Variants in ESR1 observed in about 807,000 individuals in gnomAD.
The protein encoded by ESR1 is estrogen receptor.
Under a neutral mutation model 52.7 loss-of-function variants are expected in ESR1, and 12 were observed. That is an observed-to-expected ratio of 0.23 (90% CI 0.15 to 0.37). The LOEUF is 0.37. Ranked by LOEUF, ESR1 falls within the 10% of genes least tolerant of loss-of-function variation. The pLI is 1.00. For synonymous variants in ESR1, 305 were observed against 316.8 expected, an observed-to-expected ratio of 0.96 and a Z score of 0.39; for missense variants, 584 against 779.7, an observed-to-expected ratio of 0.75 and a Z score of 2.99.
intron 2 of ESR1, among the ~76,000 whole-genome samples, chr6:151,863,276 C>A (rs1033166233): frequency 6.6e-6 from 1 of 152,104 alleles, no homozygotes; most frequent in Non-Finnish European, 1.5e-5. Context: ...TATCCATGAG[C>A]GTGGAATGTT....
At chr6:152,001,859 T>G (rs1385786144) in intron 4 of ESR1, among the ~76,000 whole-genome samples, 2 of 151,974 alleles carry the variant, frequency 1.3e-5, no homozygotes, top group Non-Finnish European at 2.9e-5. Flanking sequence ...ATAGAAAGAC[T>G]GGAGGGAAGG....
chr6:151,950,965 A>G (rs977314205), intron 4 of ESR1, among the ~76,000 whole-genome samples: 2 of 151,948 alleles, frequency 1.3e-5, no homozygotes, highest in Non-Finnish European at 2.9e-5. Flanking sequence ...CTCATCTAGT[A>G]TAGACTTGGC....
chr6:151,877,321 A>G (rs1792017496), intron 2 of ESR1, among the ~76,000 whole-genome samples: 1 of 152,214 alleles, frequency 6.6e-6, no homozygotes, highest in Non-Finnish European at 1.5e-5. Context: ...AGGAAAAAAA[A>G]CTACTTTGTT....
At chr6:151,719,818 G>A (rs1012300934) in intron 2 of ESR1, among the ~76,000 whole-genome samples, 15 of 152,106 alleles carry the variant, frequency 9.9e-5, no homozygotes, top group African/African-American at 3.1e-4. Context: ...TAAAGGAGCC[G>A]CAGAAAATTA....
At chr6:152,085,740 C>T (rs567872378) in intron 6 of ESR1, among the ~76,000 whole-genome samples, 8 of 152,246 alleles carry the variant, frequency 5.3e-5, no homozygotes, top group Non-Finnish European at 1.0e-4. Context: ...ACGACATGCA[C>T]TTAGAAGTGG....
At chr6:151,689,447 T>C (rs1778815543), upstream of ESR1, among the ~76,000 whole-genome samples, 1 of 152,256 alleles carries the variant, frequency 6.6e-6, no homozygotes, top group African/African-American at 2.4e-5. Context: ...AAATGTGTCC[T>C]GCTCTATGTA....
chr6:151,942,933 T>C (rs963728383), intron 3 of ESR1, among the ~76,000 whole-genome samples: 1 of 152,188 alleles, frequency 6.6e-6, no homozygotes, highest in Non-Finnish European at 1.5e-5. Context: ...AAATAGTTGT[T>C]TTTTTGCAGA....
At chr6:151,789,996 C>T (rs868225873) in intron 2 of ESR1, among the ~76,000 whole-genome samples, 4 of 152,172 alleles carry the variant, frequency 2.6e-5, no homozygotes, top group Admixed American at 1.3e-4. Flanking sequence ...GCTGCCCCCC[C>T]TCACTCAGGG....
intron 6 of ESR1, chr6:152,112,812 G>A (rs1176082235): frequency 6.6e-6 from 1 of 152,210 alleles, no homozygotes; most frequent in African/African-American, 2.4e-5. Flanking sequence ...AACCTTCTGA[G>A]CCCACTGCAA....
intron 1 of ESR1, among the ~76,000 whole-genome samples, chr6:151,691,460 C>CAGTATT (rs1450334449): frequency 6.6e-6 from 1 of 152,138 alleles, no homozygotes; most frequent in African/African-American, 2.4e-5. Flanking sequence ...AGAAGATAAC[C>CAGTATT]AGTATTCTCT....
At chr6:152,038,850 T>A (rs1025766816) in intron 5 of ESR1, among the ~76,000 whole-genome samples, 1 of 152,116 alleles carries the variant, frequency 6.6e-6, no homozygotes, top group Non-Finnish European at 1.5e-5. Context: ...AGGCTGGTCT[T>A]GAACTCCTGA....
rs149016295 is a variant in ESR1 at position 151,852,738 on chromosome 6, G to A, written c.643+9951G>A. Reference sequence around the variant, plus strand: ...TAATCCTTCCCTTATTTCTACTTACGTGTTTTACTCTCCATCATGTGTTAA... The same window carrying A: ...TAATCCTTCCCTTATTTCTACTTACATGTTTTACTCTCCATCATGTGTTAA... On this transcript the variant is annotated intron_variant, in intron 2 of 7. Transcript: ENST00000206249. Among the ~76,000 whole-genome samples the A allele has an allele frequency of 4.7e-3, 693 of 146,750 alleles. 2 individuals are homozygous for A. The highest frequency in any genetic ancestry group is 0.015 in the African/African-American group (591 of 39,488).
intron 3 of ESR1, among the ~76,000 whole-genome samples, chr6:151,922,459 C>T (rs573443725): frequency 2.4e-4 from 37 of 152,242 alleles, no homozygotes; most frequent in African/African-American, 8.7e-4. Context: ...TAGTATCAGC[C>T]ATCTAGAACC....
intron 3 of ESR1, among the ~76,000 whole-genome samples, chr6:151,898,543 G>C (rs1235630181): frequency 1.3e-5 from 2 of 152,034 alleles, no homozygotes; most frequent in East Asian, 3.9e-4. Context: ...AGAGGACCCT[G>C]CGGCCTTCTG....
At chr6:151,786,114 T>C (rs1162694386) in intron 2 of ESR1, among the ~76,000 whole-genome samples, 3 of 152,164 alleles carry the variant, frequency 2.0e-5, no homozygotes, top group African/African-American at 7.2e-5. Flanking sequence ...GCTGCCTGGC[T>C]TGTCTGCACA....
chr6:151,974,478 G>C (rs9383951), intron 4 of ESR1, among the ~76,000 whole-genome samples: 7,511 of 152,222 alleles, frequency 0.049, 479 homozygotes, highest in African/African-American at 0.15. Context: ...ACAGATCATA[G>C]TGATATTGAC....
At chr6:151,941,234 T>G (rs2035019069) in intron 3 of ESR1, among the ~76,000 whole-genome samples, 1 of 152,238 alleles carries the variant, frequency 6.6e-6, no homozygotes, top group Non-Finnish European at 1.5e-5. Context: ...TTGCTTCTAT[T>G]TCTCTCTGTA....
At chr6:151,722,911 A>T (rs1260794252) in intron 2 of ESR1, among the ~76,000 whole-genome samples, 1 of 152,182 alleles carries the variant, frequency 6.6e-6, no homozygotes, top group Non-Finnish European at 1.5e-5. Flanking sequence ...CATTTGAAAG[A>T]TATTGTTTTG....
intron 1 of ESR1, among the ~76,000 whole-genome samples, chr6:151,671,730 G>T (rs553254247): frequency 2.0e-5 from 3 of 152,250 alleles, no homozygotes; most frequent in African/African-American, 7.2e-5. Flanking sequence ...GGTGGCTTAT[G>T]CCTGTAATCC....
Sources: gnomAD v4.1 joint callset for allele counts (sites outside exome capture counted in the v4.1 genomes callset) on GRCh38, gnomAD v4.1.1 for gene constraint, MANE v1.5 for transcripts, NCBI Gene and HGNC (gene_info 2026-07-23, HGNC 2026-07-21) for gene names.